Variants in MLLT3 observed in about 807,000 individuals in gnomAD.
The protein encoded by MLLT3 is MLLT3 super elongation complex subunit.
In MLLT3, 4 loss-of-function variants were observed where a neutral mutation model predicts 53.2. The ratio of observed to expected loss-of-function variants is 0.08; its 90% CI spans 0.04 to 0.17. The LOEUF is 0.17. Ranked by LOEUF, MLLT3 falls within the 10% of genes least tolerant of loss-of-function variation. MLLT3 has a pLI of 1.00. For synonymous variants in MLLT3, 283 were observed against 230.6 expected (o/e 1.23, Z -2.06); for missense variants, 569 against 684.0 (o/e 0.83, Z 1.87).
intron 2 of MLLT3, among the ~76,000 whole-genome samples, chr9:20,468,155 C>T (rs1824281955): frequency 1.3e-5 from 2 of 152,088 alleles, no homozygotes; most frequent in South Asian, 4.2e-4. Context: ...TGAGATAGTC[C>T]CTTAACTTTT....
intron 2 of MLLT3, among the ~76,000 whole-genome samples, chr9:20,474,402 C>T (rs1824470535): frequency 6.6e-6 from 1 of 151,906 alleles, no homozygotes; most frequent in African/African-American, 2.4e-5. Context: ...ACTAGCTGAC[C>T]CACAATTAAT....
At chr9:20,407,834 T>A (rs537377241) in intron 5 of MLLT3, among the ~76,000 whole-genome samples, 1 of 152,084 alleles carries the variant, frequency 6.6e-6, no homozygotes, top group Admixed American at 6.6e-5. Flanking sequence ...GTTAAGTACA[T>A]AGAAGGGTGA....
chr9:20,390,293 C>G (rs1371589382), intron 5 of MLLT3, among the ~76,000 whole-genome samples: 1 of 151,944 alleles, frequency 6.6e-6, no homozygotes, highest in Non-Finnish European at 1.5e-5. Context: ...ATAGTTAGGG[C>G]TTTAAAAGCA....
At chr9:20,463,986 T>C (rs1338875613) in intron 2 of MLLT3, among the ~76,000 whole-genome samples, 4 of 151,972 alleles carry the variant, frequency 2.6e-5, no homozygotes, top group Non-Finnish European at 4.4e-5. Flanking sequence ...CCCCAGTTCT[T>C]CTTGGTGGCT....
chr9:20,359,679 A>G (rs903090508), intron 8 of MLLT3, among the ~76,000 whole-genome samples: 2 of 152,360 alleles, frequency 1.3e-5, no homozygotes, highest in East Asian at 1.9e-4. Context: ...GCTCTAAACT[A>G]ACATTTTCCA....
intron 2 of MLLT3, among the ~76,000 whole-genome samples, chr9:20,541,503 C>A (rs1398526128): frequency 1.3e-5 from 2 of 152,154 alleles, no homozygotes; most frequent in Non-Finnish European, 2.9e-5. Context: ...AGAAGCAAGG[C>A]ACATCTCACA....
chr9:20,457,350 G>T (rs1823996811), intron 2 of MLLT3, among the ~76,000 whole-genome samples: 1 of 145,902 alleles, frequency 6.9e-6, no homozygotes, highest in African/African-American at 2.5e-5. Flanking sequence ...CCTGGTTCAA[G>T]CAATTCTCCT....
intron 2 of MLLT3, among the ~76,000 whole-genome samples, chr9:20,466,586 G>T (rs548957205): frequency 6.6e-6 from 1 of 152,142 alleles, no homozygotes; most frequent in South Asian, 2.1e-4. Context: ...TGTAACTCTG[G>T]CATGTCTTTG....
In MLLT3 at chr9:20,456,058, C is replaced by T. The variant is rs1188933727; in HGVS notation, c.276+646G>A. Among the ~76,000 whole-genome samples the T allele has an allele frequency of 2.0e-5, 3 of 151,690 alleles. No individual in the cohort carries two copies. The East Asian group carries it at 5.8e-4, about 29-fold the overall frequency. On this transcript the variant is annotated intron_variant, in intron 3 of 10. Coordinates refer to ENST00000380338, the MANE Select transcript of MLLT3 (RefSeq NM_004529.4). ...GGTTCAAGTGATTCTCTTGCCTCAG[C>T]CTCCTATGTAGCTGTAATTACAGGC...
intron 2 of MLLT3, among the ~76,000 whole-genome samples, chr9:20,601,757 C>A (rs1563838941): frequency 1.3e-5 from 2 of 152,140 alleles, no homozygotes; most frequent in East Asian, 3.8e-4. Flanking sequence ...TTTGCATTTA[C>A]AGCTTAGTTC....
chr9:20,595,281 C>G (rs893375159), intron 2 of MLLT3, among the ~76,000 whole-genome samples: 1 of 152,070 alleles, frequency 6.6e-6, no homozygotes, highest in Non-Finnish European at 1.5e-5. Flanking sequence ...ACAGGAGGAT[C>G]GCTTGATCCC....
intron 2 of MLLT3, among the ~76,000 whole-genome samples, chr9:20,583,356 C>T (rs1467569844): frequency 6.6e-6 from 1 of 152,210 alleles, no homozygotes; most frequent in East Asian, 1.9e-4. Flanking sequence ...TTTCCAGGAG[C>T]ACTGTGCAAG....
At chr9:20,517,498 A>T (rs1817945547) in intron 2 of MLLT3, among the ~76,000 whole-genome samples, 1 of 151,614 alleles carries the variant, frequency 6.6e-6, no homozygotes, top group South Asian at 2.1e-4. Flanking sequence ...AGATAAGGGC[A>T]GTGAAAATAC....
chr9:20,375,000 C>T (rs1821721274), intron 5 of MLLT3, among the ~76,000 whole-genome samples: 1 of 152,240 alleles, frequency 6.6e-6, no homozygotes, highest in Admixed American at 6.5e-5. Context: ...TGCTTCTTTT[C>T]TTTCTTACTA....
chr9:20,401,852 T>C (rs1290275304), intron 5 of MLLT3, among the ~76,000 whole-genome samples: 1 of 152,178 alleles, frequency 6.6e-6, no homozygotes, highest in African/African-American at 2.4e-5. Context: ...TAATGGATAT[T>C]GAATAGATAA....
intron 2 of MLLT3, among the ~76,000 whole-genome samples, chr9:20,565,982 ATTTATTTATATATT>A (rs1465206845): frequency 2.1e-5 from 2 of 96,478 alleles, no homozygotes; most frequent in African/African-American, 8.6e-5. Flanking sequence ...ATATATATAT[ATTTATTTATATATT>A]TATTTATATA....
In MLLT3 at chr9:20,368,260, T is replaced by C. The variant is rs138940446; in HGVS notation, c.1126-2516A>G. 3.7e-3 allele frequency among the ~76,000 whole-genome samples: 570 copies of C among 152,354 alleles called. 2 individuals are homozygous for C. Among genetic ancestry groups the C allele is most frequent in the Non-Finnish European group, 5.9e-3 (399 of 68,024 alleles). On this transcript the variant is annotated intron_variant, in intron 5 of 10. Coordinates refer to ENST00000380338, the MANE Select transcript of MLLT3 (RefSeq NM_004529.4). The stretch of plus-strand genomic sequence containing the variant: ...TGAAAGAGCATTCAGTTGGCATTTA[T>C]GTGCACTGCCCAGCTGTAAAACATT...
intron 2 of MLLT3, among the ~76,000 whole-genome samples, chr9:20,594,142 T>A (rs1009512332): frequency 6.6e-6 from 1 of 152,090 alleles, no homozygotes; most frequent in Non-Finnish European, 1.5e-5. Flanking sequence ...AGTTTCACCA[T>A]ATTGGTCAAG....
chr9:20,543,254 T>C (rs1818689891), intron 2 of MLLT3, among the ~76,000 whole-genome samples: 1 of 152,230 alleles, frequency 6.6e-6, no homozygotes, highest in Non-Finnish European at 1.5e-5. Context: ...GGCTAACTAC[T>C]TGGTACAAGA....
Sources: gnomAD v4.1 joint callset for allele counts (sites outside exome capture counted in the v4.1 genomes callset) on GRCh38, gnomAD v4.1.1 for gene constraint, MANE v1.5 for transcripts, NCBI Gene and HGNC (gene_info 2026-07-23, HGNC 2026-07-21) for gene names.